The following ADGRL3 variants were observed in gnomAD, a reference collection of about 807,000 sequenced individuals.
ADGRL3 encodes calcium-independent alpha-latrotoxin receptor 3.
Under a neutral mutation model 153.5 loss-of-function variants are expected in ADGRL3, and 62 were observed. The ratio of observed to expected loss-of-function variants is 0.40; its 90% confidence interval spans 0.33 to 0.50. ADGRL3 has a LOEUF of 0.50. ADGRL3 is among the 20% of genes least tolerant of loss of function. The pLI, the probability that ADGRL3 is intolerant of heterozygous loss-of-function variation, is 0.47. For synonymous variants in ADGRL3, 710 were observed against 672.5 expected (o/e 1.06, Z -0.86); for missense variants, 1,641 against 1,859.4 (o/e 0.88, Z 2.16).
At chr4:61,834,230 C>G (rs374946917) in intron 9 of ADGRL3, among the ~76,000 whole-genome samples, 1 of 151,054 alleles carries the variant, frequency 6.6e-6, no homozygotes, top group African/African-American at 2.4e-5. Flanking sequence ...TTTGTCCTTG[C>G]GATAGTTTGC....
chr4:61,684,289 G>T (rs979303187), intron 6 of ADGRL3, among the ~76,000 whole-genome samples: 2 of 151,728 alleles, frequency 1.3e-5, no homozygotes, highest in Non-Finnish European at 2.9e-5. Context: ...TAAAGCAGAG[G>T]TTTTTTTTGG....
At chr4:61,661,363 CA>C (rs2094588624) in intron 5 of ADGRL3, among the ~76,000 whole-genome samples, 1 of 151,862 alleles carries the variant, frequency 6.6e-6, no homozygotes, top group Non-Finnish European at 1.5e-5. Context: ...CTTTTTCAAT[CA>C]AAAACTAATA....
rs190093023 is a variant in ADGRL3 at position 61,864,121 on chromosome 4, C to A, written c.1481-28535C>A. Among the ~76,000 whole-genome samples the A allele has an allele frequency of 2.3e-3, 351 of 152,320 alleles. 1 individual carries two copies. Among genetic ancestry groups the A allele is most frequent in the Non-Finnish European group, 4.2e-3 (288 of 68,030 alleles). On this transcript the variant is annotated intron_variant, in intron 9 of 26. Transcript: ENST00000683033. Reference sequence around the variant, plus strand: ...TACTCAATGCTGCTATAGGAACAAACTGTACTATGTACCTTATCTCTGGAA... The same window carrying A: ...TACTCAATGCTGCTATAGGAACAAAATGTACTATGTACCTTATCTCTGGAA...
intron 17 of ADGRL3, among the ~76,000 whole-genome samples, chr4:61,964,739 TGAAG>T (rs1297348274): frequency 1.3e-5 from 2 of 152,052 alleles, no homozygotes; most frequent in African/African-American, 2.4e-5. Context: ...ATTGCTTAAC[TGAAG>T]GAATTATTAT....
intron 2 of ADGRL3, among the ~76,000 whole-genome samples, chr4:61,386,990 G>A (rs1267031822): frequency 1.3e-5 from 2 of 152,130 alleles, no homozygotes; most frequent in South Asian, 2.1e-4. Context: ...GATCTAGAAC[G>A]TATATAGGGG....
intron 6 of ADGRL3, among the ~76,000 whole-genome samples, chr4:61,686,142 T>C (rs1307604495): frequency 6.6e-6 from 1 of 152,116 alleles, no homozygotes; most frequent in Admixed American, 6.6e-5. Flanking sequence ...ATAGAACTTA[T>C]GCATTTAAAT....
intron 6 of ADGRL3, among the ~76,000 whole-genome samples, chr4:61,689,698 C>T (rs1406395693): frequency 6.6e-6 from 1 of 152,060 alleles, no homozygotes; most frequent in Non-Finnish European, 1.5e-5. Flanking sequence ...TCAGATTCTT[C>T]CAGAGAAATT....
rs879823030 is a variant in ADGRL3, at chr4:61,846,317, T to TAAA, written c.1480+32439_1480+32441dup. On this transcript the variant is annotated intron_variant, in intron 9 of 26. Transcript: ENST00000683033. ...AAGCAACACAGTGAGACCCTGTCTCTAAAAAAAAAAAAATTCATAAAGTAC... is the reference window on the plus strand; with the variant it reads ...AAGCAACACAGTGAGACCCTGTCTCTAAAAAAAAAAAAAAAATTCATAAAGTAC... Among the ~76,000 whole-genome samples, 368 of 142,594 alleles carry TAAA rather than the reference T, an allele frequency of 2.6e-3. 2 individuals are homozygous for TAAA. The highest frequency in any genetic ancestry group is 9.1e-3 in the African/African-American group (356 of 39,058). The allele number at this position is 142,594 out of a possible 152,430, so 93.5% of individuals were successfully genotyped here. A position where few individuals can be genotyped will look rare whatever the true frequency, so the allele number is the denominator to read the frequency against.
chr4:61,759,290 C>A (rs1292907973), intron 8 of ADGRL3, among the ~76,000 whole-genome samples: 3 of 152,150 alleles, frequency 2.0e-5, no homozygotes, highest in African/African-American at 7.2e-5. Flanking sequence ...TCCATTCTCC[C>A]CATCACTTTC....
chr4:61,703,626 A>C (rs957131336), intron 6 of ADGRL3, among the ~76,000 whole-genome samples: 3 of 152,224 alleles, frequency 2.0e-5, no homozygotes, highest in African/African-American at 7.2e-5. Flanking sequence ...AAAAAGATTC[A>C]TTTATAAGAG....
intron 2 of ADGRL3, among the ~76,000 whole-genome samples, chr4:61,488,555 G>A (rs1427546458): frequency 1.3e-5 from 2 of 151,982 alleles, no homozygotes; most frequent in East Asian, 3.9e-4. Context: ...TCTAGTGCAA[G>A]TGTCACTTTA....
At chr4:61,250,919 A>C (rs1758978234) in intron 1 of ADGRL3, among the ~76,000 whole-genome samples, 1 of 152,188 alleles carries the variant, frequency 6.6e-6, no homozygotes, top group Non-Finnish European at 1.5e-5. Context: ...ATGAAGCCTT[A>C]ACAGTATATC....
At chr4:61,962,103 G>T (rs527363758) in intron 17 of ADGRL3, among the ~76,000 whole-genome samples, 1 of 152,072 alleles carries the variant, frequency 6.6e-6, no homozygotes, top group East Asian at 1.9e-4. Context: ...GACAGGCATG[G>T]TGGTATGGGC....
At chr4:61,382,746 A>G in intron 1 of ADGRL3, among the ~76,000 whole-genome samples, 1 of 151,800 alleles carries the variant, frequency 6.6e-6, no homozygotes, top group Non-Finnish European at 1.5e-5. Context: ...CCTAATGGCA[A>G]AAGTGGTAAG....
intron 21 of ADGRL3, among the ~76,000 whole-genome samples, chr4:62,010,996 G>A (rs1487754410): frequency 6.6e-6 from 1 of 151,900 alleles, no homozygotes; most frequent in Non-Finnish European, 1.5e-5. Context: ...AATCTCATGC[G>A]CTATAGGTAA....
chr4:61,900,061 G>A (rs373979484), intron 11 of ADGRL3, among the ~76,000 whole-genome samples: 13 of 152,138 alleles, frequency 8.5e-5, no homozygotes, highest in Admixed American at 7.9e-4. Context: ...GAAGGAAAGA[G>A]CACTGACTTG....
intron 8 of ADGRL3, among the ~76,000 whole-genome samples, chr4:61,771,973 C>G (rs2097092489): frequency 6.6e-6 from 1 of 152,126 alleles, no homozygotes. Context: ...GTTCAGCCAT[C>G]TTCATATCTC....
chr4:61,486,390 T>A (rs2098194462), intron 2 of ADGRL3, among the ~76,000 whole-genome samples: 1 of 152,238 alleles, frequency 6.6e-6, no homozygotes, highest in Non-Finnish European at 1.5e-5. Context: ...CTAGATGCGA[T>A]ATATTGTCAC....
At chr4:61,583,788 C>T in intron 4 of ADGRL3, 1 of 515,088 alleles carries the variant, frequency 1.9e-6, no homozygotes, top group Non-Finnish European at 3.9e-6. Flanking sequence ...CTATTACACA[C>T]CTAATAGATG....
Sources: gnomAD v4.1 joint callset for allele counts (sites outside exome capture counted in the v4.1 genomes callset) on GRCh38, gnomAD v4.1.1 for gene constraint, MANE v1.5 for transcripts, NCBI Gene and HGNC (gene_info 2026-07-23, HGNC 2026-07-21) for gene names.